DSCAM: variants seen among roughly 807,000 people sequenced by gnomAD.
DSCAM encodes the protein cell adhesion molecule DSCAM.
Under a neutral mutation model 217.7 loss-of-function variants are expected in DSCAM, and 47 were observed. The ratio of observed to expected loss-of-function variants is 0.22; its 90% confidence interval spans 0.17 to 0.28. The LOEUF (loss-of-function observed/expected upper bound fraction) is 0.28, where lower values mean the gene tolerates loss of function less well. Among genes scored for constraint, DSCAM ranks in the 10% least tolerant of loss-of-function variants. The pLI is 1.00. For missense variants in DSCAM, 2,080 were observed against 2,618.3 expected, an observed-to-expected ratio of 0.79 and a Z score of 4.49; for synonymous variants, 1,056 against 1,015.3, an observed-to-expected ratio of 1.04 and a Z score of -0.76.
At chr21:40,436,144 A>AAT (rs1285376677) in intron 3 of DSCAM, among the ~76,000 whole-genome samples, 1 of 152,230 alleles carries the variant, frequency 6.6e-6, no homozygotes, top group African/African-American at 2.4e-5. Flanking sequence ...ATCAGGACAT[A>AAT]ACCCCATCAT....
At chr21:40,508,515 A>T (rs931883348) in intron 3 of DSCAM, among the ~76,000 whole-genome samples, 2 of 151,966 alleles carry the variant, frequency 1.3e-5, no homozygotes, top group Non-Finnish European at 2.9e-5. Flanking sequence ...ACAGTTTGGC[A>T]TTTAAATATG....
intron 3 of DSCAM, among the ~76,000 whole-genome samples, chr21:40,456,754 G>A (rs1192689789): frequency 1.3e-5 from 2 of 152,054 alleles, no homozygotes; most frequent in Non-Finnish European, 2.9e-5. Flanking sequence ...AATAGGTAAA[G>A]CAAATATTGC....
intron 1 of DSCAM, among the ~76,000 whole-genome samples, chr21:40,721,797 G>A (rs1043553269): frequency 1.3e-5 from 2 of 151,844 alleles, no homozygotes; most frequent in Admixed American, 6.6e-5. Context: ...ATGAACACTA[G>A]AACCTCAACT....
At chr21:40,356,334 C>A (rs377559660) in intron 4 of DSCAM, among the ~76,000 whole-genome samples, 3 of 151,864 alleles carry the variant, frequency 2.0e-5, no homozygotes, top group African/African-American at 7.3e-5. Context: ...TACATACATA[C>A]ACACACAAAT....
chr21:40,452,339 T>G (rs2075727301), intron 3 of DSCAM, among the ~76,000 whole-genome samples: 1 of 151,584 alleles, frequency 6.6e-6, no homozygotes, highest in Admixed American at 6.6e-5. Context: ...AAAAACTGAG[T>G]ATTCAAATCT....
At chr21:40,603,926 T>C (rs1601781117) in intron 3 of DSCAM, among the ~76,000 whole-genome samples, 1 of 4,050 alleles carries the variant, frequency 2.5e-4, no homozygotes, top group South Asian at 0.017. Context: ...TTTGCATTTC[T>C]TTTTTTTTTT....
At chr21:40,475,791 G>A (rs192545343) in intron 3 of DSCAM, among the ~76,000 whole-genome samples, 5 of 152,086 alleles carry the variant, frequency 3.3e-5, no homozygotes, top group East Asian at 1.9e-4. Context: ...AGATCGTGCC[G>A]TCGCACTCCA....
chr21:40,667,335 A>G (rs1272288196), intron 3 of DSCAM, among the ~76,000 whole-genome samples: 2 of 152,226 alleles, frequency 1.3e-5, no homozygotes, highest in African/African-American at 4.8e-5. Flanking sequence ...TCTGAAATGC[A>G]GTCCCGAGCA....
intron 15 of DSCAM, among the ~76,000 whole-genome samples, chr21:40,173,846 T>G (rs1169096432): frequency 2.0e-5 from 3 of 152,192 alleles, no homozygotes; most frequent in Non-Finnish European, 4.4e-5. Flanking sequence ...AATCCACACC[T>G]TCTATTCTCT....
intron 20 of DSCAM, among the ~76,000 whole-genome samples, chr21:40,119,402 C>T (rs1194774387): frequency 6.6e-6 from 1 of 152,080 alleles, no homozygotes; most frequent in South Asian, 2.1e-4. Flanking sequence ...TGTTTGTGGG[C>T]ACATTGAATG....
intron 3 of DSCAM, among the ~76,000 whole-genome samples, chr21:40,476,066 G>A (rs924631560): frequency 6.6e-6 from 1 of 152,098 alleles, no homozygotes; most frequent in Non-Finnish European, 1.5e-5. Flanking sequence ...TAGAGAAAGG[G>A]ACTATACCAG....
intron 11 of DSCAM, among the ~76,000 whole-genome samples, chr21:40,246,353 CTA>C (rs1601480248): frequency 2.8e-5 from 1 of 36,240 alleles, no homozygotes; most frequent in East Asian, 8.2e-4. Context: ...CCAGTCCGTA[CTA>C]AAAAAAAAAA....
intron 32 of DSCAM, among the ~76,000 whole-genome samples, chr21:40,021,205 C>CAAAAAAA (rs763435750): frequency 3.5e-4 from 30 of 84,958 alleles, no homozygotes; most frequent in East Asian, 4.9e-4. Flanking sequence ...GACTCCGTCT[C>CAAAAAAA]AAAAAAAAAA....
At chr21:40,542,830 A>G (rs1184237289) in intron 3 of DSCAM, among the ~76,000 whole-genome samples, 1 of 152,170 alleles carries the variant, frequency 6.6e-6, no homozygotes, top group Non-Finnish European at 1.5e-5. Flanking sequence ...CCTAGTTATT[A>G]AATATTTGCA....
At chr21:40,563,544 T>C (rs372704) in intron 3 of DSCAM, among the ~76,000 whole-genome samples, 39,464 of 142,184 alleles carry the variant, frequency 0.28, 6,132 homozygotes, top group African/African-American at 0.42. Flanking sequence ...TATAGTTATA[T>C]GTTTATATAT....
chr21:40,499,167 T>C (rs932581984), intron 3 of DSCAM, among the ~76,000 whole-genome samples: 3 of 152,160 alleles, frequency 2.0e-5, no homozygotes, highest in Non-Finnish European at 4.4e-5. Flanking sequence ...GTATGAATAC[T>C]TGCAGACTAT....
chr21:40,297,131 A>G (rs2073964113), intron 9 of DSCAM, among the ~76,000 whole-genome samples: 1 of 152,152 alleles, frequency 6.6e-6, no homozygotes, highest in Non-Finnish European at 1.5e-5. Flanking sequence ...AGTACCATAA[A>G]GGTTTTCTAG....
intron 10 of DSCAM, among the ~76,000 whole-genome samples, chr21:40,290,353 T>C (rs1490703729): frequency 6.6e-6 from 1 of 152,194 alleles, no homozygotes; most frequent in Non-Finnish European, 1.5e-5. Flanking sequence ...GCAGGTGCGG[T>C]GGCTCACGTC....
intron 8 of DSCAM, among the ~76,000 whole-genome samples, chr21:40,326,591 AC>A (rs770679838): frequency 5.3e-5 from 8 of 152,214 alleles, no homozygotes; most frequent in African/African-American, 1.9e-4. Context: ...GAATATTCGA[AC>A]CAGAAAGAAG....
Sources: allele counts gnomAD v4.1 joint callset (sites outside exome capture counted in the v4.1 genomes callset), GRCh38; gene constraint gnomAD v4.1.1; transcripts MANE v1.5; gene names NCBI Gene and HGNC (gene_info 2026-07-23, HGNC 2026-07-21).